GLIS3: variants seen among roughly 807,000 people sequenced by gnomAD.
GLIS3 encodes the protein zinc finger protein GLIS3.
GLIS3 carries 53 observed loss-of-function variants against 78.6 expected under a neutral mutation model. The observed-to-expected ratio is 0.67, with a 90% CI of 0.54 to 0.85. The LOEUF (loss-of-function observed/expected upper bound fraction) is 0.85. Ranked by LOEUF, GLIS3 falls within the 40% of genes least tolerant of loss-of-function variation. The pLI is 0.00. For missense variants in GLIS3, 1,703 were observed against 1,231.1 expected (o/e 1.38, Z -5.74); for synonymous variants, 684 against 509.9 (o/e 1.34, Z -4.60).
At chr9:4,354,902 G>T in the GLIS3 span, among the ~76,000 whole-genome samples, 1 of 152,194 alleles carries the variant, frequency 6.6e-6, no homozygotes, top group East Asian at 1.9e-4. Flanking sequence ...GGATCACTAG[G>T]TCAGGAGATC....
chr9:4,182,605 G>C (rs1022070522), intron 2 of GLIS3, among the ~76,000 whole-genome samples: 4 of 152,168 alleles, frequency 2.6e-5, no homozygotes, highest in African/African-American at 9.7e-5. Context: ...TGTTCACAGG[G>C]AAAGAGATTC....
chr9:3,890,348 ATTC>A (rs1307869844), intron 7 of GLIS3, among the ~76,000 whole-genome samples: 3 of 152,194 alleles, frequency 2.0e-5, no homozygotes, highest in Non-Finnish European at 4.4e-5. Context: ...CTTGACTTAA[ATTC>A]TTCTTGGAAG....
chr9:3,876,702 G>GGGA (rs1821342698), intron 8 of GLIS3, among the ~76,000 whole-genome samples: 2 of 115,304 alleles, frequency 1.7e-5, no homozygotes, highest in Admixed American at 8.8e-5. Context: ...AGGGGAGGGA[G>GGGA]GGGAAGGAAA....
At chr9:4,064,168 T>C (rs1448198029) in intron 4 of GLIS3, among the ~76,000 whole-genome samples, 3 of 152,146 alleles carry the variant, frequency 2.0e-5, no homozygotes, top group Non-Finnish European at 4.4e-5. Flanking sequence ...TATTTAATTA[T>C]GCTGAGAAAA....
chr9:3,867,510 A>T (rs1322828973), intron 8 of GLIS3, among the ~76,000 whole-genome samples: 1 of 152,260 alleles, frequency 6.6e-6, no homozygotes, highest in Non-Finnish European at 1.5e-5. Context: ...CTGGCTGGCC[A>T]TTCTACCCTG....
intron 4 of GLIS3, among the ~76,000 whole-genome samples, chr9:4,055,184 A>G (rs1438530159): frequency 6.6e-6 from 1 of 152,156 alleles, no homozygotes; most frequent in Non-Finnish European, 1.5e-5. Context: ...TTCTCAGCAT[A>G]TGGAGTTGTC....
chr9:4,009,447 C>T (rs560273066), intron 4 of GLIS3, among the ~76,000 whole-genome samples: 1 of 152,286 alleles, frequency 6.6e-6, no homozygotes, highest in East Asian at 1.9e-4. Context: ...CAGCAAGGTG[C>T]AGCCATGGCC....
chr9:4,398,669 T>C, the GLIS3 span, among the ~76,000 whole-genome samples: 2 of 152,044 alleles, frequency 1.3e-5, no homozygotes, highest in East Asian at 1.9e-4. Flanking sequence ...GTGAAGTAGT[T>C]GCTTAAGCTC....
chr9:3,942,086 A>G (rs1815966596), intron 4 of GLIS3, among the ~76,000 whole-genome samples: 1 of 152,142 alleles, frequency 6.6e-6, no homozygotes, highest in Non-Finnish European at 1.5e-5. Flanking sequence ...TCCCTCCCCT[A>G]ATTAGTTACT....
intron 10 of GLIS3, 117 bp from the exon 11 acceptor site, chr9:3,828,525 T>A: frequency 7.6e-7 from 1 of 1,320,908 alleles, no homozygotes; most frequent in East Asian, 2.4e-5. Flanking sequence ...GAGGCAACCA[T>A]GCCAGCCTGG....
chr9:4,169,597 G>C (rs1284398179), intron 2 of GLIS3, among the ~76,000 whole-genome samples: 1 of 152,184 alleles, frequency 6.6e-6, no homozygotes, highest in African/African-American at 2.4e-5. Flanking sequence ...ATCACTGTTA[G>C]TTTCCTGATT....
the GLIS3 span, among the ~76,000 whole-genome samples, chr9:4,479,119 T>A: frequency 6.6e-6 from 1 of 152,312 alleles, no homozygotes; most frequent in African/African-American, 2.4e-5. Context: ...AGAGACAGGA[T>A]TTCACCATTT....
chr9:4,255,712 G>C (rs957573527), intron 2 of GLIS3, among the ~76,000 whole-genome samples: 1 of 152,156 alleles, frequency 6.6e-6, no homozygotes, highest in African/African-American at 2.4e-5. Flanking sequence ...CTAGGGGAAA[G>C]GGAGGGATGA....
intron 4 of GLIS3, among the ~76,000 whole-genome samples, chr9:4,018,155 A>G (rs1822590768): frequency 6.6e-6 from 1 of 152,250 alleles, no homozygotes; most frequent in Non-Finnish European, 1.5e-5. Context: ...GGAAGGCAGG[A>G]AGAAAGGAAA....
chr9:4,416,252 T>TTTTAAAAA, the GLIS3 span, among the ~76,000 whole-genome samples: 56 of 75,822 alleles, frequency 7.4e-4, 2 homozygotes, highest in African/African-American at 2.7e-3. Flanking sequence ...ACACTGTTTT[T>TTTTAAAAA]AAAAAAAAAA....
At chr9:4,123,623 T>G (rs1341825440) in intron 3 of GLIS3, 1 of 377,804 alleles carries the variant, frequency 2.6e-6, no homozygotes, top group African/African-American at 2.1e-5. Flanking sequence ...TGAAAGAGGC[T>G]TTTATTATAA....
chr9:3,962,079 G>A (rs763219589), intron 4 of GLIS3, among the ~76,000 whole-genome samples: 6 of 152,032 alleles, frequency 3.9e-5, no homozygotes, highest in African/African-American at 9.7e-5. Context: ...AATTAGTCAA[G>A]TGTGGTGGTG....
chr9:3,979,230 A>G (rs1023098110), intron 4 of GLIS3, among the ~76,000 whole-genome samples: 1 of 152,114 alleles, frequency 6.6e-6, no homozygotes, highest in Admixed American at 6.5e-5. Context: ...CAAATCCTCA[A>G]TTCTATCTCC....
intron 2 of GLIS3, among the ~76,000 whole-genome samples, chr9:4,132,173 A>C (rs1235461409): frequency 6.6e-6 from 1 of 152,142 alleles, no homozygotes; most frequent in Non-Finnish European, 1.5e-5. Context: ...TCATTTTGAA[A>C]CACTGCTTAT....
Sources: allele counts gnomAD v4.1 joint callset (sites outside exome capture counted in the v4.1 genomes callset), GRCh38; gene constraint gnomAD v4.1.1; transcripts MANE v1.5; gene names NCBI Gene and HGNC (gene_info 2026-07-23, HGNC 2026-07-21).